USP54: variants seen among roughly 807,000 people sequenced by gnomAD.
USP54 encodes the protein ubiquitin carboxyl-terminal hydrolase 54.
USP54 carries 87 observed loss-of-function variants against 170.5 expected under a neutral mutation model. The ratio of observed to expected loss-of-function variants is 0.51; its 90% CI spans 0.43 to 0.61. The LOEUF is 0.61. USP54 is among the 20% of genes least tolerant of loss of function. The pLI is 0.00. For synonymous variants in USP54, 655 were observed against 742.8 expected, an observed-to-expected ratio of 0.88 and a Z score of 1.92; for missense variants, 1,786 against 2,047.8, an observed-to-expected ratio of 0.87 and a Z score of 2.47.
At chr10:73,596,591 C>T (rs1407728435) in intron 1 of USP54, among the ~76,000 whole-genome samples, 2 of 150,832 alleles carry the variant, frequency 1.3e-5, no homozygotes, top group Middle Eastern at 3.2e-3. Flanking sequence ...TAGTGGTACG[C>T]GCCTGTAATC....
At chr10:73,543,527 C>T (rs1026621815) in intron 5 of USP54, among the ~76,000 whole-genome samples, 4 of 151,718 alleles carry the variant, frequency 2.6e-5, no homozygotes, top group Admixed American at 6.6e-5. Flanking sequence ...CCACCACGCC[C>T]GGCTAATTTT....
In USP54 at chr10:73,498,432, C is replaced by CG; in HGVS notation, c.*196dup. 2 of 384,154 alleles carry CG rather than the reference C, an allele frequency of 5.2e-6. No individual in the cohort carries two copies. The highest frequency in any genetic ancestry group is 9.1e-6 in the Non-Finnish European group (2 of 219,840). 23.8% of individuals were successfully genotyped at this position (384,154 alleles called of 1,614,324 possible). A position where few individuals can be genotyped will look rare whatever the true frequency, so the allele number is the denominator to read the frequency against. ...TTGGGACTACAGGCACGCACCGTCA[C>CG]GCCTGGCTAATTTTTTGTATTTTGG... On this transcript the variant is annotated 3_prime_UTR_variant, in exon 24 of 24. Coordinates refer to ENST00000687698, the MANE Select transcript of USP54 (RefSeq NM_001391956.1).
At chr10:73,534,306 A>G (rs1245736621) in intron 12 of USP54, among the ~76,000 whole-genome samples, 1 of 151,368 alleles carries the variant, frequency 6.6e-6, no homozygotes, top group Non-Finnish European at 1.5e-5. Context: ...TCCTGGGTTC[A>G]TGCCATTCTC....
chr10:73,620,811 C>T (rs992859459), intron 1 of USP54, among the ~76,000 whole-genome samples: 2 of 150,030 alleles, frequency 1.3e-5, no homozygotes, highest in African/African-American at 5.1e-5. Flanking sequence ...TGGTGGCGGG[C>T]ACCTGTAATC....
intron 4 of USP54, 54 bp downstream of exon 4, chr10:73,571,367 T>C: frequency 2.1e-6 from 3 of 1,456,052 alleles, no homozygotes; most frequent in South Asian, 1.2e-5. Context: ...CACCTTGATA[T>C]TGACCATTTG....
chr10:73,602,211 G>T (rs549255423), intron 1 of USP54, among the ~76,000 whole-genome samples: 16 of 152,288 alleles, frequency 1.1e-4, no homozygotes, highest in African/African-American at 3.6e-4. Context: ...TATTGGTAAA[G>T]TATACAGTAA....
At chr10:73,533,222 C>A (rs1471995845) in intron 12 of USP54, among the ~76,000 whole-genome samples, 3 of 151,934 alleles carry the variant, frequency 2.0e-5, no homozygotes, top group Non-Finnish European at 4.4e-5. Context: ...AGGAGAATGG[C>A]ATGAACCTGG....
chr10:73,556,965 GTTTAA>G (rs1347195907), intron 4 of USP54, among the ~76,000 whole-genome samples: 1 of 152,114 alleles, frequency 6.6e-6, no homozygotes, highest in Non-Finnish European at 1.5e-5. Context: ...GAGAAGATTT[GTTTAA>G]TTTAATCAAT....
At chr10:73,572,271 C>G (rs1375518347) in intron 3 of USP54, among the ~76,000 whole-genome samples, 1 of 152,142 alleles carries the variant, frequency 6.6e-6, no homozygotes, top group African/African-American at 2.4e-5. Context: ...TCACAGCTAA[C>G]AGGAGCCTAA....
intron 5 of USP54, among the ~76,000 whole-genome samples, chr10:73,545,334 A>G (rs1176005059): frequency 1.3e-5 from 2 of 152,346 alleles, no homozygotes; most frequent in East Asian, 3.9e-4. Context: ...TGCAATGACA[A>G]GCACAAAACC....
intron 20 of USP54, among the ~76,000 whole-genome samples, chr10:73,511,262 T>C (rs2060158395): frequency 6.6e-6 from 1 of 152,114 alleles, no homozygotes; most frequent in Non-Finnish European, 1.5e-5. Context: ...TGGAGAACTC[T>C]GATATAATAA....
chr10:73,512,289 C>A (rs1174976472), intron 20 of USP54, among the ~76,000 whole-genome samples: 1 of 152,022 alleles, frequency 6.6e-6, no homozygotes, highest in African/African-American at 2.4e-5. Flanking sequence ...CTGACCCGCA[C>A]CACCACACCC....
At chr10:73,551,011 A>G (rs1322507980) in intron 4 of USP54, among the ~76,000 whole-genome samples, 2 of 152,212 alleles carry the variant, frequency 1.3e-5, no homozygotes, top group Non-Finnish European at 2.9e-5. Flanking sequence ...AGGCTGAGGC[A>G]GGAGAATGGC....
chr10:73,571,800 G>A (rs1026142549), intron 3 of USP54, among the ~76,000 whole-genome samples: 9 of 152,064 alleles, frequency 5.9e-5, no homozygotes, highest in African/African-American at 2.2e-4. Flanking sequence ...GGAAATTTAC[G>A]GGTTAAAGCT....
intron 20 of USP54, among the ~76,000 whole-genome samples, chr10:73,511,966 G>A (rs549414185): frequency 2.0e-5 from 3 of 151,552 alleles, no homozygotes; most frequent in Admixed American, 6.6e-5. Context: ...GGCTGGTCTC[G>A]AACTCCTGAC....
intron 12 of USP54, among the ~76,000 whole-genome samples, chr10:73,532,711 T>C (rs145349446): frequency 5.9e-5 from 9 of 152,122 alleles, no homozygotes; most frequent in Admixed American, 1.3e-4. Flanking sequence ...ACAAGAAATA[T>C]AGGACACAGA....
chr10:73,515,417 A>G (rs575395672), intron 20 of USP54, among the ~76,000 whole-genome samples: 10 of 152,326 alleles, frequency 6.6e-5, no homozygotes, highest in East Asian at 1.9e-4. Flanking sequence ...AAGTGCATCA[A>G]TGTAAGTTAC....
intron 1 of USP54, among the ~76,000 whole-genome samples, chr10:73,597,639 T>G (rs969709235): frequency 6.6e-6 from 1 of 152,202 alleles, no homozygotes; most frequent in Non-Finnish European, 1.5e-5. Context: ...GGAGACTGAT[T>G]TGAGTAATAA....
chr10:73,620,850 G>A (rs2081034566), intron 1 of USP54, among the ~76,000 whole-genome samples: 1 of 149,060 alleles, frequency 6.7e-6, no homozygotes, highest in Non-Finnish European at 1.5e-5. Context: ...GAGGCCAAGA[G>A]CAAAACTCTG....
Sources: allele counts gnomAD v4.1 joint callset (sites outside exome capture counted in the v4.1 genomes callset), GRCh38; gene constraint gnomAD v4.1.1; transcripts MANE v1.5; gene names NCBI Gene and HGNC (gene_info 2026-07-23, HGNC 2026-07-21).